The following PRMT2 variants were observed in gnomAD, a reference collection of about 807,000 sequenced individuals.
The protein encoded by PRMT2 is protein arginine N-methyltransferase 2.
PRMT2 carries 26 observed loss-of-function variants against 57.6 expected under a neutral mutation model. The ratio of observed to expected loss-of-function variants is 0.45; its 90% confidence interval spans 0.33 to 0.63. PRMT2 has a LOEUF of 0.63. Among genes scored for constraint, PRMT2 ranks in the 20% least tolerant of loss-of-function variants. The pLI, the probability that PRMT2 is intolerant of heterozygous loss-of-function variation, is 0.02. For missense variants in PRMT2, 472 were observed against 564.4 expected (o/e 0.84, Z 1.66); for synonymous variants, 219 against 220.0 (o/e 1.00, Z 0.04).
At chr21:46,644,925 C>T (rs1382701141) in intron 5 of PRMT2, among the ~76,000 whole-genome samples, 1 of 151,882 alleles carries the variant, frequency 6.6e-6, no homozygotes, top group Non-Finnish European at 1.5e-5. Context: ...AAAAAAAAAG[C>T]AGTAAATTTT....
chr21:46,653,677 A>G lies in PRMT2; in HGVS notation c.654+3938A>G, dbSNP rs375661814. 23 of 1,256,230 alleles carry G rather than the reference A, an allele frequency of 1.8e-5. No homozygotes were observed. In the African/African-American group the frequency reaches 3.3e-4, roughly 18 times the overall value. 77.8% of individuals were successfully genotyped at this position (1,256,230 alleles called of 1,614,324 possible). ...GCATTCCCTGGAGCTCATGTAGATC[A>G]TTTTACTTTTCAGAGGTGCTAGTTC... On this transcript the variant is annotated intron_variant, in intron 7 of 11. Transcript: ENST00000355680.
intron 7 of PRMT2, chr21:46,655,025 G>C (rs1325649067): frequency 3.6e-6 from 2 of 553,992 alleles, no homozygotes; most frequent in East Asian, 1.5e-4. Context: ...ACATGAAATA[G>C]ATAACCTGAA....
At chr21:46,659,198 A>T (rs1203023206) in intron 8 of PRMT2, 2 of 1,170,838 alleles carry the variant, frequency 1.7e-6, no homozygotes, top group Non-Finnish European at 2.1e-6. Flanking sequence ...CCAAGTCAGC[A>T]AATTATTCTG....
intron 7 of PRMT2, 180 bp from the exon 8 acceptor site, chr21:46,658,565 G>T (rs770348516): frequency 3.7e-6 from 4 of 1,086,110 alleles, no homozygotes; most frequent in Admixed American, 3.2e-5. Context: ...CATCAGTGAC[G>T]TGTGGGCATA....
At chr21:46,658,650 A>G in intron 7 of PRMT2, 95 bp from the exon 8 acceptor site, 1 of 1,551,134 alleles carries the variant, frequency 6.4e-7, no homozygotes, top group Non-Finnish European at 8.7e-7. Context: ...AAAACTGTAG[A>G]ACTGTCAGAC....
chr21:46,636,783 T>TAA (rs2061179350), intron 2 of PRMT2, 113 bp from the exon 3 acceptor site: 11 of 602,934 alleles, frequency 1.8e-5, no homozygotes, highest in Admixed American at 3.3e-5. Flanking sequence ...TCTTCACACA[T>TAA]ACACATTTTA....
chr21:46,661,634 G>C, intron 9 of PRMT2, 166 bp from the exon 10 acceptor site: 1 of 563,380 alleles, frequency 1.8e-6, no homozygotes, highest in Non-Finnish European at 2.6e-6. Flanking sequence ...TGAAGCCTCT[G>C]AACTCACGAT....
chr21:46,650,036 A>G (rs2061426030), intron 7 of PRMT2: 1 of 1,312,436 alleles, frequency 7.6e-7, no homozygotes, highest in Admixed American at 2.9e-5. Context: ...CTAACAGGTA[A>G]GGCTGTTTCT....
chr21:46,651,886 G>C, intron 7 of PRMT2: 1 of 1,612,870 alleles, frequency 6.2e-7, no homozygotes, highest in Middle Eastern at 1.7e-4. Flanking sequence ...CCTGCTGTCT[G>C]CCTCTCCCCT....
At chr21:46,643,676 A>G (rs776868316) in intron 4 of PRMT2, 37 bp downstream of exon 4, 1 of 1,563,872 alleles carries the variant, frequency 6.4e-7, no homozygotes, top group Non-Finnish European at 8.6e-7. Flanking sequence ...TATGGCTTTC[A>G]GCATGTTCAG....
chr21:46,648,585 G>A lies in PRMT2; in HGVS notation c.455G>A (p.Ser152Asn). The A allele has an allele frequency of 6.2e-7, 1 of 1,614,234 alleles. No homozygotes were observed. Among genetic ancestry groups the A allele is most frequent in the Non-Finnish European group, 8.5e-7 (1 of 1,180,030 alleles). The change falls in exon 6 of 12, where the codon AGT becomes AAT. Residue 152 changes from serine (S) to asparagine (N), a missense_variant. Physicochemically the swap from Ser to Asn is conservative, Grantham distance 46. Transcript: ENST00000355680. The surrounding 1 kb of genome is among the most constrained non-coding windows in gnomAD (Gnocchi z 4.8). ...LDVGCGTGII[S>N]LFCAHYARPR... ...GTGGGCTGTGGGACTGGGATCATCA[G>A]TCTCTTCTGTGCACACTATGCGCGG...
At chr21:46,639,618 T>C (rs1017698783) in intron 3 of PRMT2, among the ~76,000 whole-genome samples, 2 of 151,898 alleles carry the variant, frequency 1.3e-5, no homozygotes, top group African/African-American at 4.8e-5. Flanking sequence ...CTTCTTTTCT[T>C]GCGTGTACCT....
At chr21:46,663,245 C>T in intron 10 of PRMT2, 138 bp from the exon 11 acceptor site, 2 of 757,894 alleles carry the variant, frequency 2.6e-6, no homozygotes, top group Non-Finnish European at 4.1e-6. Flanking sequence ...TTTGTGTCCC[C>T]AGGCCCTCAG....
chr21:46,664,295 G>T lies in PRMT2; in HGVS notation c.1270G>T (p.Val424Phe). The change falls in exon 12 of 12, where the codon GTT (valine) becomes TTT (phenylalanine). Residue 424 changes from valine to phenylalanine, a missense_variant and splice_region_variant. Transcript: ENST00000355680. ...ACCTGTTGTCATTTATCTTTTTCAG[G>T]TTGGAGAAAAAGTCTTCCCCATCTG... ...TSRQDPTSQK[V>F]GEKVFPIWR is the part of the protein sequence containing the mutation. 7.5e-6 allele frequency: 12 copies of T among 1,610,210 alleles called. No individual in the cohort carries two copies. The highest frequency in any genetic ancestry group is 1.0e-5 in the Non-Finnish European group (12 of 1,176,526).
At chr21:46,659,197 C>A in intron 8 of PRMT2, 1 of 1,170,508 alleles carries the variant, frequency 8.5e-7, no homozygotes, top group South Asian at 2.7e-5. Context: ...GCCAAGTCAG[C>A]AAATTATTCT....
Position 46,663,560 on chromosome 21 carries a change from A to ATCTGGAGATGACAGTTGATGCTTTATT in PRMT2, c.1269+7_1269+8insCTGGAGATGACAGTTGATGCTTTATTT. The ATCTGGAGATGACAGTTGATGCTTTATT allele has an allele frequency of 6.2e-7, 1 of 1,612,684 alleles. No homozygotes were observed. Among genetic ancestry groups the ATCTGGAGATGACAGTTGATGCTTTATT allele is most frequent in the Admixed American group, 1.7e-5 (1 of 59,982 alleles). On this transcript the variant is annotated splice_region_variant and intron_variant, in intron 11 of 11. Transcript: ENST00000355680. ...AAGACCCCACATCTCAAAAAGTAAG[A>ATCTGGAGATGACAGTTGATGCTTTATT]TACGTAGTTGTAAGATTCTGTCCTG...
At chr21:46,642,495 C>G (rs995683119) in intron 3 of PRMT2, among the ~76,000 whole-genome samples, 1 of 152,178 alleles carries the variant, frequency 6.6e-6, no homozygotes, top group Non-Finnish European at 1.5e-5. Context: ...GTATAAACAC[C>G]AATGTGCTGT....
At chr21:46,655,405 A>G (rs2061526884) in intron 7 of PRMT2, among the ~76,000 whole-genome samples, 1 of 152,220 alleles carries the variant, frequency 6.6e-6, no homozygotes, top group Non-Finnish European at 1.5e-5. Flanking sequence ...CTGGTTCAAT[A>G]TTTGAAAATC....
chr21:46,639,389 T>C (rs964907686), intron 3 of PRMT2, among the ~76,000 whole-genome samples: 1 of 152,174 alleles, frequency 6.6e-6, no homozygotes, highest in Non-Finnish European at 1.5e-5. Flanking sequence ...TTGAAATCTC[T>C]ATATCTTTTC....
Sources: gnomAD v4.1 joint callset for allele counts (sites outside exome capture counted in the v4.1 genomes callset) on GRCh38, gnomAD v4.1.1 for gene constraint, Gnocchi (gnomAD v3.1) non-coding constraint, MANE v1.5 for transcripts, NCBI Gene and HGNC (gene_info 2026-07-23, HGNC 2026-07-21) for gene names.